Variants in CADPS2 observed in about 807,000 individuals in gnomAD.
CADPS2 encodes calcium-dependent secretion activator 2.
Under a neutral mutation model 172.5 loss-of-function variants are expected in CADPS2, and 93 were observed. The observed-to-expected ratio is 0.54, with a 90% CI of 0.46 to 0.64. The LOEUF (loss-of-function observed/expected upper bound fraction) is 0.64. Ranked by LOEUF, CADPS2 falls within the 30% of genes least tolerant of loss-of-function variation. The pLI, the probability that CADPS2 is intolerant of heterozygous loss-of-function variation, is 0.00. For missense variants in CADPS2, 1,420 were observed against 1,565.9 expected (o/e 0.91, Z 1.57); for synonymous variants, 546 against 555.2 (o/e 0.98, Z 0.23).
At chr7:122,812,603 T>C (rs1337350313) in intron 1 of CADPS2, among the ~76,000 whole-genome samples, 1 of 152,090 alleles carries the variant, frequency 6.6e-6, no homozygotes, top group Non-Finnish European at 1.5e-5. Flanking sequence ...ATTTTTCAAA[T>C]AATAAGTCTT....
At chr7:122,328,157 A>ACACG (rs1554431010) in intron 28 of CADPS2, among the ~76,000 whole-genome samples, 8 of 110,066 alleles carry the variant, frequency 7.3e-5, no homozygotes, top group Non-Finnish European at 1.6e-4. Context: ...ACACACACAC[A>ACACG]CACGCACGCA....
At chr7:122,479,736 T>A (rs1046195914) in intron 12 of CADPS2, among the ~76,000 whole-genome samples, 4 of 152,266 alleles carry the variant, frequency 2.6e-5, no homozygotes, top group Admixed American at 2.6e-4. Flanking sequence ...TTAGAAATAA[T>A]ATGTTCAATG....
chr7:122,799,469 G>C (rs976506438), intron 1 of CADPS2, among the ~76,000 whole-genome samples: 3 of 151,954 alleles, frequency 2.0e-5, no homozygotes, highest in African/African-American at 7.2e-5. Context: ...CGGGCGTGGT[G>C]GTGGGCGCCT....
chr7:122,430,902 G>A (rs562109963), intron 17 of CADPS2, among the ~76,000 whole-genome samples: 42 of 152,160 alleles, frequency 2.8e-4, no homozygotes, highest in Non-Finnish European at 4.0e-4. Context: ...GAACTATGAT[G>A]ATGGAAGAGA....
chr7:122,884,783 T>C (rs74713327), intron 1 of CADPS2, among the ~76,000 whole-genome samples: 6,666 of 152,214 alleles, frequency 0.044, 508 homozygotes, highest in African/African-American at 0.15. Context: ...CCACCAATAG[T>C]TAGGGTGGAG....
chr7:122,858,383 T>G (rs1227756280), intron 1 of CADPS2, among the ~76,000 whole-genome samples: 1 of 152,188 alleles, frequency 6.6e-6, no homozygotes, highest in Non-Finnish European at 1.5e-5. Context: ...AACAAAGTTC[T>G]TATTTTGTAA....
chr7:122,496,222 C>T (rs2058721725), intron 9 of CADPS2, among the ~76,000 whole-genome samples: 2 of 152,116 alleles, frequency 1.3e-5, no homozygotes, highest in South Asian at 4.1e-4. Context: ...AGTACAGCTG[C>T]ACAATCTCAG....
At chr7:122,635,517 A>G (rs1453358054) in intron 3 of CADPS2, among the ~76,000 whole-genome samples, 2 of 148,686 alleles carry the variant, frequency 1.3e-5, no homozygotes, top group African/African-American at 2.5e-5. Flanking sequence ...CCTATGAGTG[A>G]GAATATGTGG....
intron 7 of CADPS2, among the ~76,000 whole-genome samples, chr7:122,557,620 C>G (rs1452091498): frequency 6.6e-6 from 1 of 152,082 alleles, no homozygotes; most frequent in East Asian, 1.9e-4. Flanking sequence ...CTAGCTGTGA[C>G]ACAGATATTG....
chr7:122,512,900 C>T (rs1458298968), intron 9 of CADPS2, among the ~76,000 whole-genome samples: 1 of 151,974 alleles, frequency 6.6e-6, no homozygotes, highest in Non-Finnish European at 1.5e-5. Context: ...ACTTTTTCTC[C>T]CATTAGTATA....
At chr7:122,667,016 T>A (rs2081261508) in intron 2 of CADPS2, among the ~76,000 whole-genome samples, 1 of 152,208 alleles carries the variant, frequency 6.6e-6, no homozygotes, top group African/African-American at 2.4e-5. Context: ...TCCTTATTTC[T>A]GCTACTCCTA....
chr7:122,477,052 A>AAGAGAGAGAGAAG, intron 12 of CADPS2, among the ~76,000 whole-genome samples: 1 of 25,990 alleles, frequency 3.8e-5, no homozygotes, highest in Non-Finnish European at 7.1e-5. Context: ...GGAGAGAGAG[A>AAGAGAGAGAGAAG]AGAGAGAGAG....
At chr7:122,721,883 C>A (rs2090453631) in intron 2 of CADPS2, among the ~76,000 whole-genome samples, 1 of 152,078 alleles carries the variant, frequency 6.6e-6, no homozygotes, top group Non-Finnish European at 1.5e-5. Context: ...AAGGCTGGTT[C>A]AATATACGCG....
chr7:122,870,537 A>C (rs2141477801), intron 1 of CADPS2, among the ~76,000 whole-genome samples: 1 of 152,168 alleles, frequency 6.6e-6, no homozygotes, highest in South Asian at 2.1e-4. Context: ...TGGAAGAATA[A>C]ATTTTAGTGA....
intron 9 of CADPS2, among the ~76,000 whole-genome samples, chr7:122,494,631 T>A (rs1031027894): frequency 1.3e-5 from 2 of 151,704 alleles, no homozygotes; most frequent in Admixed American, 6.6e-5. Flanking sequence ...TATTTTATTT[T>A]ATAGTGTTGA....
At chr7:122,690,234 G>T (rs1439904849) in intron 2 of CADPS2, among the ~76,000 whole-genome samples, 1 of 152,162 alleles carries the variant, frequency 6.6e-6, no homozygotes, top group Non-Finnish European at 1.5e-5. Context: ...TTTCATCCCT[G>T]GATAACAATG....
At chr7:122,812,584 C>G (rs924862160) in intron 1 of CADPS2, among the ~76,000 whole-genome samples, 1 of 152,008 alleles carries the variant, frequency 6.6e-6, no homozygotes, top group African/African-American at 2.4e-5. Flanking sequence ...AAAATAGGTA[C>G]TGGAATTCAT....
intron 17 of CADPS2, among the ~76,000 whole-genome samples, chr7:122,434,412 T>C (rs937819209): frequency 1.3e-5 from 2 of 152,168 alleles, no homozygotes; most frequent in Non-Finnish European, 2.9e-5. Context: ...AACTTGCTTA[T>C]AACATTGCAT....
At chr7:122,355,466 G>A (rs932836454) in intron 27 of CADPS2, among the ~76,000 whole-genome samples, 1 of 151,676 alleles carries the variant, frequency 6.6e-6, no homozygotes, top group Non-Finnish European at 1.5e-5. Flanking sequence ...CTGTTTTCCC[G>A]GCTACTTCGG....
Sources: allele counts gnomAD v4.1 joint callset (sites outside exome capture counted in the v4.1 genomes callset), GRCh38; gene constraint gnomAD v4.1.1; transcripts MANE v1.5; gene names NCBI Gene and HGNC (gene_info 2026-07-23, HGNC 2026-07-21).